Variants in RAB10 observed in about 807,000 individuals in gnomAD.
RAB10 encodes the protein ras-related protein Rab-10.
Under a neutral mutation model 25.7 loss-of-function variants are expected in RAB10, and 5 were observed. The observed-to-expected ratio is 0.19, with a 90% CI of 0.10 to 0.41. The LOEUF is 0.41. Among genes scored for constraint, RAB10 ranks in the 10% least tolerant of loss-of-function variants. The probability of loss-of-function intolerance (pLI) is 1.00; values close to 1 mark genes in which losing one functional copy is unlikely to be tolerated. For synonymous variants in RAB10, 89 were observed against 86.4 expected (o/e 1.03, Z -0.16); for missense variants, 103 against 245.8 (o/e 0.42, Z 3.89).
intron 1 of RAB10, among the ~76,000 whole-genome samples, chr2:26,053,566 T>C (rs1180848592): frequency 6.6e-6 from 1 of 152,234 alleles, no homozygotes; most frequent in African/African-American, 2.4e-5. Context: ...GAATAATAAG[T>C]TATCATTCTT....
intron 3 of RAB10, among the ~76,000 whole-genome samples, chr2:26,125,495 G>A (rs986861073): frequency 1.4e-5 from 2 of 145,778 alleles, no homozygotes; most frequent in African/African-American, 2.6e-5. Flanking sequence ...TCCCCAGGCT[G>A]GAGTACAGAG....
intron 3 of RAB10, among the ~76,000 whole-genome samples, chr2:26,126,750 T>G (rs922462570): frequency 1.4e-4 from 22 of 152,208 alleles, no homozygotes; most frequent in Admixed American, 6.5e-5. Flanking sequence ...CACAGCTATT[T>G]GAGAGTTTAA....
intron 1 of RAB10, among the ~76,000 whole-genome samples, chr2:26,035,272 C>T (rs1419132534): frequency 2.6e-5 from 4 of 152,122 alleles, no homozygotes; most frequent in Non-Finnish European, 1.5e-5. Flanking sequence ...GTCAAACAAT[C>T]GGAGGCTCTT....
chr2:26,048,490 G>A (rs1020564592), intron 1 of RAB10, among the ~76,000 whole-genome samples: 5 of 152,144 alleles, frequency 3.3e-5, no homozygotes, highest in Admixed American at 3.3e-4. Context: ...GTCCTTTTAT[G>A]TGCTTATTTG....
intron 3 of RAB10, among the ~76,000 whole-genome samples, chr2:26,117,607 G>C (rs189369790): frequency 9.0e-5 from 12 of 134,048 alleles, no homozygotes; most frequent in South Asian, 2.3e-4. Flanking sequence ...GCGACAGAGC[G>C]AGACTCCGTC....
chr2:26,086,217 C>T (rs1666984933), intron 1 of RAB10, among the ~76,000 whole-genome samples: 1 of 152,056 alleles, frequency 6.6e-6, no homozygotes, highest in East Asian at 1.9e-4. Context: ...ACTTGGGAGG[C>T]TGAGGCTGCG....
intron 3 of RAB10, among the ~76,000 whole-genome samples, chr2:26,124,529 G>A (rs780522539): frequency 6.7e-6 from 1 of 149,514 alleles, no homozygotes; most frequent in Non-Finnish European, 1.5e-5. Context: ...GCTTCTTAAA[G>A]TGTTGGGATT....
chr2:26,043,315 G>A (rs1056452431), intron 1 of RAB10, among the ~76,000 whole-genome samples: 1 of 152,138 alleles, frequency 6.6e-6, no homozygotes, highest in African/African-American at 2.4e-5. Context: ...CCAGCTGCTT[G>A]GGAGGCTGAG....
At chr2:26,095,415 G>A (rs1283201134) in intron 1 of RAB10, among the ~76,000 whole-genome samples, 1 of 152,112 alleles carries the variant, frequency 6.6e-6, no homozygotes, top group Non-Finnish European at 1.5e-5. Context: ...AGACCATCCT[G>A]GCTAACACGG....
chr2:26,111,070 G>T (rs1667558863), intron 3 of RAB10, among the ~76,000 whole-genome samples: 1 of 152,122 alleles, frequency 6.6e-6, no homozygotes, highest in South Asian at 2.1e-4. Context: ...CTACAGCATA[G>T]GTGGCTTCTT....
chr2:26,124,262 T>C (rs1450526332), intron 3 of RAB10, among the ~76,000 whole-genome samples: 2 of 152,008 alleles, frequency 1.3e-5, no homozygotes, highest in African/African-American at 4.8e-5. Flanking sequence ...GGGTCAACTG[T>C]ATGTTGTTTT....
intron 1 of RAB10, among the ~76,000 whole-genome samples, chr2:26,079,469 A>G (rs1666818447): frequency 6.6e-6 from 1 of 152,146 alleles, no homozygotes; most frequent in African/African-American, 2.4e-5. Flanking sequence ...GAACTGTGGT[A>G]TTGGATTGGA....
chr2:26,076,975 A>T (rs1034003705), intron 1 of RAB10, among the ~76,000 whole-genome samples: 2 of 151,904 alleles, frequency 1.3e-5, no homozygotes, highest in African/African-American at 4.8e-5. Context: ...AAAGTGTCAA[A>T]ATAGCACTAT....
chr2:26,129,370 T>A (rs142943465), intron 5 of RAB10, among the ~76,000 whole-genome samples: 299 of 152,262 alleles, frequency 2.0e-3, no homozygotes, highest in African/African-American at 6.6e-3. Flanking sequence ...AACCTTTCTA[T>A]TTTTATATTT....
intron 1 of RAB10, among the ~76,000 whole-genome samples, chr2:26,092,451 TAGAG>T (rs1405088712): frequency 3.3e-5 from 5 of 151,924 alleles, no homozygotes; most frequent in South Asian, 4.2e-4. Context: ...AAAAGTGAAA[TAGAG>T]AGGAAACTTA....
chr2:26,109,954 G>A (rs754715469), intron 3 of RAB10, 48 bp downstream of exon 3: 1 of 1,460,974 alleles, frequency 6.8e-7, no homozygotes, highest in South Asian at 1.4e-5. Flanking sequence ...ACATTTGTGT[G>A]CTTGGTTAGG....
intron 1 of RAB10, among the ~76,000 whole-genome samples, chr2:26,051,379 G>A (rs1474107926): frequency 5.2e-5 from 1 of 19,394 alleles, no homozygotes; most frequent in East Asian, 1.5e-3. Context: ...CCCCCCCCCC[G>A]TTTTATTGTA....
In RAB10 at chr2:26,117,471, C is replaced by T. The variant is rs192183253; in HGVS notation, c.327+7565C>T. ...TACTAAAATAAGAAAAAAAATTAGCCGGGCATGGTGGCGGGTGCCTGTAGT... is the reference window on the plus strand; with the variant it reads ...TACTAAAATAAGAAAAAAAATTAGCTGGGCATGGTGGCGGGTGCCTGTAGT... On this transcript the variant is annotated intron_variant, in intron 3 of 5. Coordinates refer to ENST00000264710, the MANE Select transcript of RAB10 (RefSeq NM_016131.5). Among the ~76,000 whole-genome samples the T allele has an allele frequency of 9.2e-5, 14 of 151,950 alleles. No homozygotes were observed. In the East Asian group the frequency reaches 1.7e-3, roughly 19 times the overall value.
intron 1 of RAB10, among the ~76,000 whole-genome samples, chr2:26,067,255 T>C (rs1192316178): frequency 1.3e-5 from 2 of 152,170 alleles, no homozygotes; most frequent in Non-Finnish European, 2.9e-5. Context: ...CTTGAAGTCA[T>C]TGTTACCACT....
Sources: gnomAD v4.1 joint callset for allele counts (sites outside exome capture counted in the v4.1 genomes callset) on GRCh38, gnomAD v4.1.1 for gene constraint, MANE v1.5 for transcripts, NCBI Gene and HGNC (gene_info 2026-07-23, HGNC 2026-07-21) for gene names.